Variants in ATRX observed in about 807,000 individuals in gnomAD.
The protein encoded by ATRX is chromatin remodeler ATRX.
ATRX carries 12 observed loss-of-function variants against 172.6 expected under a neutral mutation model. That is an observed-to-expected ratio of 0.07 (90% CI 0.04 to 0.11). ATRX has a LOEUF of 0.11. Among genes scored for constraint, ATRX ranks in the 10% least tolerant of loss-of-function variants. ATRX has a pLI of 1.00. For missense variants in ATRX, 1,368 were observed against 1,767.4 expected (o/e 0.77, Z 4.05); for synonymous variants, 674 against 594.7 (o/e 1.13, Z -1.94).
At chrX:77,593,059 G>C (rs1455092799) in intron 26 of ATRX, among the ~76,000 whole-genome samples, 2 of 106,775 alleles carry the variant, frequency 1.9e-5, no homozygotes, top group Non-Finnish European at 3.9e-5. Context: ...CCCTATCTCT[G>C]CTAAAAATAA....
rs782721666 is a variant in ATRX, at chrX:77,753,579, G to T, written c.20+32403C>A. ...AGGGTGTTCATTTTAGATCTTTCCT[G>T]CTTTCTGATGGGGGCATTTAGTGAT... On this transcript the variant is annotated intron_variant, in intron 1 of 34. Transcript: ENST00000373344. 2.7e-5 allele frequency among the ~76,000 whole-genome samples: 3 copies of T among 111,329 alleles called. No individual in the cohort carries two copies. In the East Asian group the frequency reaches 8.5e-4, roughly 32 times the overall value.
chrX:77,748,021 T>G (rs1211723600), intron 1 of ATRX, among the ~76,000 whole-genome samples: 1 of 111,791 alleles, frequency 8.9e-6, no homozygotes, highest in African/African-American at 3.2e-5. Context: ...CTAGGTTTCC[T>G]GACAGAAAAT....
chrX:77,510,728 G>A (rs921094290), intron 34 of ATRX, among the ~76,000 whole-genome samples: 17 of 112,180 alleles, frequency 1.5e-4, no homozygotes, highest in African/African-American at 5.5e-4. Flanking sequence ...CGGAGGGAAG[G>A]GTAGAAAGAT....
intron 6 of ATRX, chrX:77,691,021 G>A (rs1206060521): frequency 8.9e-6 from 1 of 111,876 alleles, no homozygotes; most frequent in Non-Finnish European, 1.9e-5. Context: ...ATAGAGCAGT[G>A]AAAAATAAAC....
chrX:77,655,999 G>A (rs1207882771), intron 13 of ATRX, among the ~76,000 whole-genome samples: 1 of 111,176 alleles, frequency 9.0e-6, no homozygotes, highest in Admixed American at 9.6e-5. Flanking sequence ...TTAAATTACA[G>A]GTAATCTAGA....
chrX:77,542,797 C>T (rs1557051480), intron 30 of ATRX, among the ~76,000 whole-genome samples: 1 of 111,887 alleles, frequency 8.9e-6, no homozygotes, highest in African/African-American at 3.3e-5. Flanking sequence ...CCCTTCCTTA[C>T]ACCTTATACA....
rs1173282861 is a variant in ATRX, at chrX:77,506,493, T to C, written c.*1858A>G. On this transcript the variant is annotated 3_prime_UTR_variant, in exon 35 of 35. Transcript: ENST00000373344. ...AAATTCCCAGGTCTAGTAAATCAGG[T>C]TTAAAATATTCTGAACTTGTAGAAA... 2 of 173,687 alleles carry C rather than the reference T, an allele frequency of 1.2e-5. No individual in the cohort carries two copies. Among genetic ancestry groups the C allele is most frequent in the Admixed American group, 1.6e-4 (2 of 12,557 alleles). The allele number at this position is 173,687 out of a possible 1,213,427, so 14.3% of individuals were successfully genotyped here.
intron 34 of ATRX, among the ~76,000 whole-genome samples, chrX:77,515,606 C>A (rs2063026554): frequency 9.0e-6 from 1 of 111,486 alleles, no homozygotes; most frequent in African/African-American, 3.3e-5. Context: ...GGCGTTGCAT[C>A]CTGTGATTTC....
chrX:77,555,510 G>C (rs1316017596), intron 30 of ATRX, among the ~76,000 whole-genome samples: 1 of 108,794 alleles, frequency 9.2e-6, no homozygotes, highest in Non-Finnish European at 1.9e-5. Context: ...TACACACCAA[G>C]GAATACTATG....
chrX:77,531,944 T>TA (rs782296174), intron 30 of ATRX, among the ~76,000 whole-genome samples: 71 of 111,788 alleles, frequency 6.4e-4, no homozygotes, highest in African/African-American at 2.3e-3. Flanking sequence ...TCTCAGGATA[T>TA]AAAATCAATG....
Position 77,696,605 on chromosome X carries a change from A to G in ATRX, c.342T>C (p.Asn114=). ...NEDASNENSE[N]DITMQSLPKG... is the part of the protein sequence containing the mutation. ...TTGGCAAGCTCTGCATAGTAATATC[A>G]TTTTCTGAATTTTCATTAGACGCAT... Residue 114 remains asparagine, a synonymous_variant, in exon 5 of 35, where the codon AAT becomes AAC. Coordinates refer to ENST00000373344, the MANE Select transcript of ATRX (RefSeq NM_000489.6). The G allele has an allele frequency of 8.3e-7, 1 of 1,204,888 alleles. No individual in the cohort carries two copies. The highest frequency in any genetic ancestry group is 1.1e-6 in the Non-Finnish European group (1 of 889,730).
At chrX:77,648,335 C>T (rs1220246961) in intron 15 of ATRX, among the ~76,000 whole-genome samples, 1 of 111,044 alleles carries the variant, frequency 9.0e-6, no homozygotes, top group Non-Finnish European at 1.9e-5. Flanking sequence ...TCCACCAAGA[C>T]AGATCATATT....
intron 34 of ATRX, among the ~76,000 whole-genome samples, chrX:77,509,656 T>C (rs2062800061): frequency 9.0e-6 from 1 of 110,703 alleles, no homozygotes; most frequent in Admixed American, 9.6e-5. Context: ...GGACTCTGCA[T>C]TGGAACTCAG....
intron 28 of ATRX, among the ~76,000 whole-genome samples, chrX:77,559,512 G>A (rs2064940466): frequency 1.2e-5 from 1 of 81,797 alleles, no homozygotes; most frequent in Non-Finnish European, 2.2e-5. Flanking sequence ...AGGCGGGAGT[G>A]CAATGGCGCA....
At chrX:77,535,480 T>C (rs1275885337) in intron 30 of ATRX, among the ~76,000 whole-genome samples, 1 of 112,040 alleles carries the variant, frequency 8.9e-6, no homozygotes, top group Non-Finnish European at 1.9e-5. Flanking sequence ...CTATTACATA[T>C]GCCACATGCC....
At chrX:77,673,336 T>C (rs2070718143) in intron 10 of ATRX, among the ~76,000 whole-genome samples, 2 of 111,368 alleles carry the variant, frequency 1.8e-5, no homozygotes, top group Admixed American at 9.6e-5. Context: ...CTTTCAAGTA[T>C]ATTACTTTAA....
At chrX:77,639,086 C>T (rs184977411) in intron 15 of ATRX, among the ~76,000 whole-genome samples, 2 of 112,065 alleles carry the variant, frequency 1.8e-5, no homozygotes, top group East Asian at 5.6e-4. Flanking sequence ...TACACAGAAT[C>T]CTAAAATGGC....
chrX:77,763,113 G>A (rs782483072), intron 1 of ATRX, among the ~76,000 whole-genome samples: 70 of 109,486 alleles, frequency 6.4e-4, no homozygotes, highest in African/African-American at 2.1e-3. Context: ...AGGGGGTTTC[G>A]TTATTTTATA....
intron 1 of ATRX, among the ~76,000 whole-genome samples, chrX:77,764,055 A>G (rs912292781): frequency 8.1e-5 from 9 of 111,099 alleles, no homozygotes; most frequent in African/African-American, 2.9e-4. Context: ...TCTAGGCTGC[A>G]GTGATCCAAG....
Sources: allele counts gnomAD v4.1 joint callset (sites outside exome capture counted in the v4.1 genomes callset), GRCh38; gene constraint gnomAD v4.1.1; transcripts MANE v1.5; gene names NCBI Gene and HGNC (gene_info 2026-07-23, HGNC 2026-07-21).